HOXA10: variants seen among roughly 807,000 people sequenced by gnomAD.
The protein encoded by HOXA10 is homeobox A10.
Under a neutral mutation model 29.7 loss-of-function variants are expected in HOXA10, and 12 were observed. The ratio of observed to expected loss-of-function variants is 0.40; its 90% CI spans 0.26 to 0.65. The LOEUF is 0.65. Among genes scored for constraint, HOXA10 ranks in the 30% least tolerant of loss-of-function variants. The pLI, the probability that HOXA10 is intolerant of heterozygous loss-of-function variation, is 0.37. For missense variants in HOXA10, 656 were observed against 585.9 expected, an observed-to-expected ratio of 1.12 and a Z score of -1.24; for synonymous variants, 327 against 280.7, an observed-to-expected ratio of 1.16 and a Z score of -1.65.
At position 27,173,684 on chromosome 7, in the gene HOXA10, A is replaced by G; in HGVS notation, c.623T>C (p.Val208Ala). The G allele has an allele frequency of 6.4e-7, 1 of 1,558,940 alleles. No homozygotes were observed. Among genetic ancestry groups the G allele is most frequent in the African/African-American group, 1.4e-5 (1 of 73,348 alleles). The change falls in exon 1 of 2, where the codon GTG becomes GCG. Residue 208 changes from valine (V) to alanine (A), a missense_variant. By Grantham distance (64) the Val-to-Ala change is moderately conservative. Transcript: ENST00000283921. ...DGCALGTSSGVPVPGYFRLSQ... is the reference protein window; with the variant it reads ...DGCALGTSSGAPVPGYFRLSQ... The stretch of plus-strand genomic sequence containing the variant: ...AAGGCGGAAGTAGCCAGGCACTGGC[A>G]CCCCGCTGGAGGTGCCCAGGGCGCA...
upstream of HOXA10, among the ~76,000 whole-genome samples, chr7:27,176,648 G>A (rs754307705): frequency 3.3e-5 from 5 of 152,240 alleles, no homozygotes; most frequent in African/African-American, 4.8e-5. Context: ...ATAATGAGCC[G>A]TGGCAGGTCA....
chr7:27,174,109 C>T lies in HOXA10; in HGVS notation c.198G>A (p.Pro66=). 6.3e-7 allele frequency: 1 copy of T among 1,576,674 alleles called. No homozygotes were observed. The highest frequency in any genetic ancestry group is 8.6e-7 in the Non-Finnish European group (1 of 1,169,004). Residue 66 remains proline, a synonymous_variant, in exon 1 of 2, where the codon CCG becomes CCA. Coordinates refer to ENST00000283921, the MANE Select transcript of HOXA10 (RefSeq NM_018951.4). ...GCCCGTAGGGCAGGTCGGCGGCGGG[C>T]GGCAGGTAGACCCCGCCGTGGGCGT... The part of the protein sequence containing the change: ...GYYAHGGVYL[P]PAADLPYGLQ...
chr7:27,172,385 A>G (rs1783521069), intron 1 of HOXA10: 23 of 603,294 alleles, frequency 3.8e-5, no homozygotes, highest in South Asian at 3.6e-4. Flanking sequence ...GACCCTTCCA[A>G]TTTACATTTC....
chr7:27,172,358 G>A (rs1029713850), intron 1 of HOXA10, 185 bp from the exon 2 acceptor site: 2 of 630,912 alleles, frequency 3.2e-6, no homozygotes, highest in African/African-American at 1.8e-5. Context: ...AAAATTGAGT[G>A]GGCCTTCAAT....
rs891735543 is a variant in HOXA10, at chr7:27,171,511, A to G, written c.*388T>C. 4.3e-6 allele frequency: 2 copies of G among 465,774 alleles called. No homozygotes were observed. The highest frequency in any genetic ancestry group is 4.0e-5 in the African/African-American group (2 of 50,486). 28.9% of individuals were successfully genotyped at this position (465,774 alleles called of 1,614,324 possible). A position where few individuals can be genotyped will look rare whatever the true frequency, so the allele number is the denominator to read the frequency against. ...CAGACACCTCAGCGCCAACAATGGG[A>G]CCTCGGCCTTCCGGCTAGGTTTGCC... On this transcript the variant is annotated 3_prime_UTR_variant, in exon 2 of 2. Coordinates refer to ENST00000283921, the MANE Select transcript of HOXA10 (RefSeq NM_018951.4).
At chr7:27,177,129 G>A (rs1005535911), upstream of HOXA10, among the ~76,000 whole-genome samples, 5 of 152,242 alleles carry the variant, frequency 3.3e-5, no homozygotes, top group Admixed American at 3.3e-4. Flanking sequence ...ACAAAAGTCA[G>A]TTTGTATCGC....
chr7:27,179,815 C>T (rs1298182756), exon 1 of HOXA10: 5 of 701,120 alleles, frequency 7.1e-6, no homozygotes, highest in Non-Finnish European at 1.0e-5. Flanking sequence ...AATAATGTAC[C>T]GTGCTGCTCT....
rs563538909 is a variant in HOXA10 at position 27,173,646 on chromosome 7, C to G, written c.661G>C (p.Gly221Arg). Reference protein sequence around the residue: ...PGYFRLSQAYGTAKGYGSGGG... With the variant: ...PGYFRLSQAYRTAKGYGSGGG... ...CCGCTGCCATAGCCCTTGGCGGTGC[C>G]GTAGGCCTGAGAAAGGCGGAAGTAG... Residue 221 changes from glycine to arginine, a missense_variant, in exon 1 of 2, where the codon GGC becomes CGC. Gly to Arg is a moderately radical substitution (Grantham distance 125). Coordinates refer to ENST00000283921, the MANE Select transcript of HOXA10 (RefSeq NM_018951.4). The G allele has an allele frequency of 2.3e-4, 354 of 1,546,670 alleles. No homozygotes were observed. Among genetic ancestry groups the G allele is most frequent in the Non-Finnish European group, 2.8e-4 (325 of 1,145,486 alleles).
rs200823623 is a variant in HOXA10, at chr7:27,172,133, T to G, written c.999A>C (p.Ala333=). 4.0e-5 allele frequency: 65 copies of G among 1,614,014 alleles called. No homozygotes were observed. The highest frequency in any genetic ancestry group is 5.3e-5 in the Non-Finnish European group (63 of 1,180,036). Residue 333 remains alanine (A), a synonymous_variant, in exon 2 of 2, where the codon GCA becomes GCC. Coordinates refer to ENST00000283921, the MANE Select transcript of HOXA10 (RefSeq NM_018951.4). ...GGCAGCGCTTCTTCCGACCACTCTT[T>G]GCCGTGAGCCAGTTGGCTGCGTTTT... ...KGENAANWLT[A]KSGRKKRCPY...
At position 27,171,590 on chromosome 7, in the gene HOXA10, G is replaced by T; in HGVS notation, c.*309C>A. On this transcript the variant is annotated 3_prime_UTR_variant, in exon 2 of 2. Transcript: ENST00000283921. ...GAAGACAGGGGCCATTTCGAGCAGTGGGACCCCAAGACAGCAAACCCAGCC... is the reference window on the plus strand; with the variant it reads ...GAAGACAGGGGCCATTTCGAGCAGTTGGACCCCAAGACAGCAAACCCAGCC... 1.9e-6 allele frequency: 1 copy of T among 522,568 alleles called. No homozygotes were observed. The highest frequency in any genetic ancestry group is 3.7e-6 in the Non-Finnish European group (1 of 271,846). 32.4% of individuals were successfully genotyped at this position (522,568 alleles called of 1,614,324 possible). A position where few individuals can be genotyped will look rare whatever the true frequency, so the allele number is the denominator to read the frequency against.
chr7:27,177,287 T>A (rs945391914), upstream of HOXA10, among the ~76,000 whole-genome samples: 4 of 152,220 alleles, frequency 2.6e-5, no homozygotes, highest in African/African-American at 9.6e-5. Context: ...TTTTTCCCCC[T>A]TGTAATAAAC....
upstream of HOXA10, chr7:27,174,331 C>G (rs199591141): frequency 1.9e-6 from 3 of 1,597,244 alleles, no homozygotes; most frequent in Admixed American, 3.3e-5. Flanking sequence ...ATGCTGAATA[C>G]GATTAGCAAT....
chr7:27,173,685 C>A lies in HOXA10; in HGVS notation c.622G>T (p.Val208Leu). 6.4e-7 allele frequency: 1 copy of A among 1,559,636 alleles called. No homozygotes were observed. Among genetic ancestry groups the A allele is most frequent in the Non-Finnish European group, 8.7e-7 (1 of 1,152,506 alleles). ...AGGCGGAAGTAGCCAGGCACTGGCA[C>A]CCCGCTGGAGGTGCCCAGGGCGCAG... ...DGCALGTSSG[V>L]PVPGYFRLSQ... The change falls in exon 1 of 2, where the codon GTG becomes TTG. Residue 208 changes from valine (V) to leucine (L), a missense_variant. Transcript: ENST00000283921.
intron 1 of HOXA10, chr7:27,179,606 G>T (rs771009237): frequency 7.8e-6 from 6 of 772,210 alleles, no homozygotes; most frequent in African/African-American, 1.7e-5. Flanking sequence ...CCCCACTCCC[G>T]CCCCACCAGA....
upstream of HOXA10, among the ~76,000 whole-genome samples, chr7:27,175,924 G>A (rs1266721226): frequency 6.6e-6 from 1 of 152,238 alleles, no homozygotes; most frequent in African/African-American, 2.4e-5. Context: ...AGAGGACCCT[G>A]AAAGCGCAGA....
chr7:27,175,467 G>T (rs532737862), upstream of HOXA10, among the ~76,000 whole-genome samples: 192 of 152,164 alleles, frequency 1.3e-3, no homozygotes, highest in African/African-American at 4.4e-3. Flanking sequence ...GCATTTTAAC[G>T]AGGCCTCGGT....
upstream of HOXA10, chr7:27,174,672 G>A (rs1783616357): frequency 3.3e-6 from 1 of 299,200 alleles, no homozygotes; most frequent in South Asian, 3.7e-5. Context: ...GGTGTTTATG[G>A]TGCGCGCCCA....
Position 27,171,783 on chromosome 7 carries a change from G to C in HOXA10, c.*116C>G. The C allele has an allele frequency of 9.7e-7, 1 of 1,026,464 alleles. No homozygotes were observed. Among genetic ancestry groups the C allele is most frequent in the East Asian group, 2.4e-5 (1 of 42,242 alleles). The allele number at this position is 1,026,464 out of a possible 1,614,324, so 63.6% of individuals were successfully genotyped here. A position where few individuals can be genotyped will look rare whatever the true frequency, so the allele number is the denominator to read the frequency against. On this transcript the variant is annotated 3_prime_UTR_variant, in exon 2 of 2. Transcript: ENST00000283921. Reference sequence around the variant, plus strand: ...GATGTAACGGCCCAGGAGATGGCGAGTGTGGGAGGGAGGAACAGGGCTCCA... The same window carrying C: ...GATGTAACGGCCCAGGAGATGGCGACTGTGGGAGGGAGGAACAGGGCTCCA...
chr7:27,174,325 T>C (rs774029295), upstream of HOXA10: 1 of 1,597,432 alleles, frequency 6.3e-7, no homozygotes, highest in Admixed American at 1.7e-5. Flanking sequence ...CAAAACATGC[T>C]GAATACGATT....
Sources: allele counts gnomAD v4.1 joint callset (sites outside exome capture counted in the v4.1 genomes callset), GRCh38; gene constraint gnomAD v4.1.1; transcripts MANE v1.5; gene names NCBI Gene and HGNC (gene_info 2026-07-23, HGNC 2026-07-21).